Variants in ZNF385B observed in about 807,000 individuals in gnomAD.
The protein encoded by ZNF385B is zinc finger protein 533.
A neutral mutation model predicts 39.2 loss-of-function variants in ZNF385B; 23 were observed. That is an observed-to-expected ratio of 0.59 (90% CI 0.42 to 0.83). The LOEUF (loss-of-function observed/expected upper bound fraction) is 0.83, where lower values mean the gene tolerates loss of function less well. Ranked by LOEUF, ZNF385B falls within the 40% of genes least tolerant of loss-of-function variation. The pLI is 0.00. For synonymous variants in ZNF385B, 205 were observed against 222.6 expected (o/e 0.92, Z 0.70); for missense variants, 552 against 598.9 (o/e 0.92, Z 0.82).
At chr2:179,560,708 CCTGT>C (rs1394658055) in intron 3 of ZNF385B, among the ~76,000 whole-genome samples, 4 of 152,122 alleles carry the variant, frequency 2.6e-5, no homozygotes, top group Non-Finnish European at 4.4e-5. Flanking sequence ...CATTTGCGTA[CCTGT>C]CTGTGTGCCT....
chr2:179,860,772 G>C (rs1461698633), intron 1 of ZNF385B: 1 of 461,224 alleles, frequency 2.2e-6, no homozygotes, highest in East Asian at 7.7e-5. Context: ...CACTCTCCTC[G>C]TCCTTTCCCC....
At chr2:179,721,816 T>C (rs929284726) in intron 3 of ZNF385B, among the ~76,000 whole-genome samples, 1 of 152,050 alleles carries the variant, frequency 6.6e-6, no homozygotes, top group South Asian at 2.1e-4. Flanking sequence ...TAATGCATAC[T>C]TTGACCATTT....
At chr2:179,582,441 G>A (rs943577619) in intron 3 of ZNF385B, among the ~76,000 whole-genome samples, 3 of 152,140 alleles carry the variant, frequency 2.0e-5, no homozygotes, top group Non-Finnish European at 4.4e-5. Context: ...TGCTAGTCAG[G>A]ATGCTATAAC....
chr2:179,737,050 C>T (rs1446807141), intron 3 of ZNF385B, among the ~76,000 whole-genome samples: 1 of 152,202 alleles, frequency 6.6e-6, no homozygotes, highest in African/African-American at 2.4e-5. Context: ...GCCTTCATTT[C>T]CAAACCTCAT....
In ZNF385B at chr2:179,518,960, A is replaced by T. The variant is rs1453198017; in HGVS notation, c.442-322T>A. 2.0e-5 allele frequency among the ~76,000 whole-genome samples: 3 copies of T among 152,214 alleles called. No individual in the cohort carries two copies. The East Asian group carries it at 5.8e-4, about 29-fold the overall frequency. On this transcript the variant is annotated intron_variant, in intron 4 of 9. Coordinates refer to ENST00000410066, the MANE Select transcript of ZNF385B (RefSeq NM_152520.6). The stretch of plus-strand genomic sequence containing the variant: ...GAATCATAAAACAAGAAAACTTAAG[A>T]TCCAAAGGTCAAGGTTAAAATTAAC...
intron 5 of ZNF385B, among the ~76,000 whole-genome samples, chr2:179,484,080 G>A (rs762907250): frequency 3.3e-5 from 5 of 152,086 alleles, no homozygotes; most frequent in Admixed American, 1.3e-4. Context: ...AGCCTAAGTT[G>A]TTAGTGTTAA....
intron 5 of ZNF385B, among the ~76,000 whole-genome samples, chr2:179,487,896 A>G (rs1303842328): frequency 1.3e-5 from 2 of 152,216 alleles, no homozygotes; most frequent in Non-Finnish European, 2.9e-5. Context: ...TCTGGTAATT[A>G]CCTGACACCC....
chr2:179,448,867 A>G (rs2049786261), intron 6 of ZNF385B, among the ~76,000 whole-genome samples: 1 of 152,124 alleles, frequency 6.6e-6, no homozygotes, highest in Non-Finnish European at 1.5e-5. Flanking sequence ...TTGTTTTACA[A>G]TTGTAGGTTA....
intron 3 of ZNF385B, among the ~76,000 whole-genome samples, chr2:179,721,039 G>A (rs1700668620): frequency 1.3e-5 from 2 of 151,112 alleles, no homozygotes; most frequent in African/African-American, 4.9e-5. Context: ...AAAGCACTGG[G>A]ACTACAGAAA....
chr2:179,808,317 C>T (rs1706522664), intron 1 of ZNF385B, among the ~76,000 whole-genome samples: 1 of 152,188 alleles, frequency 6.6e-6, no homozygotes, highest in Admixed American at 6.5e-5. Flanking sequence ...CAGGCGTGAG[C>T]CACCGCACCC....
At chr2:179,588,673 G>C (rs1037851813) in intron 3 of ZNF385B, among the ~76,000 whole-genome samples, 2 of 152,060 alleles carry the variant, frequency 1.3e-5, no homozygotes, top group Non-Finnish European at 2.9e-5. Flanking sequence ...CAGACATCCC[G>C]GACTGCCATA....
At chr2:179,533,953 G>A (rs1255734509) in intron 4 of ZNF385B, among the ~76,000 whole-genome samples, 1 of 152,156 alleles carries the variant, frequency 6.6e-6, no homozygotes, top group Admixed American at 6.6e-5. Flanking sequence ...GAGGTAAATA[G>A]GGTAAAATAG....
At chr2:179,616,811 T>C (rs1440381180) in intron 3 of ZNF385B, among the ~76,000 whole-genome samples, 1 of 152,102 alleles carries the variant, frequency 6.6e-6, no homozygotes. Context: ...TCCTCCTGCC[T>C]TAGCCTCCCA....
intron 3 of ZNF385B, among the ~76,000 whole-genome samples, chr2:179,724,072 G>A (rs1700854738): frequency 6.6e-6 from 1 of 152,158 alleles, no homozygotes; most frequent in Non-Finnish European, 1.5e-5. Flanking sequence ...ACTTTGGGAG[G>A]CCAACGCAGG....
At chr2:179,449,470 G>C (rs890825158) in intron 6 of ZNF385B, among the ~76,000 whole-genome samples, 1 of 152,146 alleles carries the variant, frequency 6.6e-6, no homozygotes, top group East Asian at 1.9e-4. Context: ...GACAAACAGA[G>C]AGCCAAATCA....
intron 1 of ZNF385B, among the ~76,000 whole-genome samples, chr2:179,818,497 AT>A (rs1486569920): frequency 6.6e-6 from 1 of 152,224 alleles, no homozygotes; most frequent in East Asian, 1.9e-4. Context: ...ATTAAACATC[AT>A]TTTATTTTAA....
chr2:179,535,895 C>T (rs1398866180), intron 4 of ZNF385B, among the ~76,000 whole-genome samples: 1 of 152,134 alleles, frequency 6.6e-6, no homozygotes, highest in African/African-American at 2.4e-5. Context: ...TCTCCAACCC[C>T]CAAGGGATGT....
intron 3 of ZNF385B, among the ~76,000 whole-genome samples, chr2:179,656,504 A>G (rs1342471600): frequency 6.6e-6 from 1 of 152,192 alleles, no homozygotes; most frequent in Admixed American, 6.5e-5. Context: ...AGCTAATCAT[A>G]TTTGATGTAT....
intron 3 of ZNF385B, among the ~76,000 whole-genome samples, chr2:179,574,217 C>A (rs1685551355): frequency 6.6e-6 from 1 of 152,060 alleles, no homozygotes; most frequent in Admixed American, 6.6e-5. Flanking sequence ...TATAGGTAAA[C>A]CACAATCTAT....
Sources: allele counts gnomAD v4.1 joint callset (sites outside exome capture counted in the v4.1 genomes callset), GRCh38; gene constraint gnomAD v4.1.1; transcripts MANE v1.5; gene names NCBI Gene and HGNC (gene_info 2026-07-23, HGNC 2026-07-21).